The following CD244 variants were observed in gnomAD, a reference collection of about 807,000 sequenced individuals.
CD244 encodes CD244 molecule.
A neutral mutation model predicts 45.5 loss-of-function variants in CD244; 20 were observed. The observed-to-expected ratio is 0.44, with a 90% confidence interval of 0.31 to 0.64. The LOEUF (loss-of-function observed/expected upper bound fraction) is 0.64, where lower values mean the gene tolerates loss of function less well. Ranked by LOEUF, CD244 falls within the 30% of genes least tolerant of loss-of-function variation. The pLI is 0.08. For synonymous variants in CD244, 185 were observed against 160.5 expected, an observed-to-expected ratio of 1.15 and a Z score of -1.15; for missense variants, 407 against 426.9, an observed-to-expected ratio of 0.95 and a Z score of 0.41.
chr1:160,844,669 G>A (rs1669668540), intron 1 of CD244, among the ~76,000 whole-genome samples: 1 of 152,212 alleles, frequency 6.6e-6, no homozygotes, highest in Non-Finnish European at 1.5e-5. Context: ...ACACAGCTAA[G>A]GCCATTCTAA....
intron 6 of CD244, among the ~76,000 whole-genome samples, chr1:160,834,811 A>T (rs1669270738): frequency 6.6e-6 from 1 of 152,116 alleles, no homozygotes; most frequent in South Asian, 2.1e-4. Flanking sequence ...TTTCCTCAAC[A>T]CCTCAATGCC....
intron 1 of CD244, among the ~76,000 whole-genome samples, chr1:160,855,893 A>G (rs1457088702): frequency 6.6e-6 from 1 of 152,182 alleles, no homozygotes; most frequent in Non-Finnish European, 1.5e-5. Flanking sequence ...TCCAGCAGTG[A>G]GTCCCGCTCA....
intron 1 of CD244, among the ~76,000 whole-genome samples, chr1:160,858,315 C>A (rs543319608): frequency 6.6e-6 from 1 of 152,244 alleles, no homozygotes; most frequent in East Asian, 1.9e-4. Flanking sequence ...CGCAGTTAGA[C>A]ACCACTCCCT....
intron 7 of CD244, 114 bp from the exon 8 acceptor site, chr1:160,832,689 C>T (rs929215799): frequency 2.6e-6 from 4 of 1,549,236 alleles, no homozygotes; most frequent in Non-Finnish European, 3.5e-6. Flanking sequence ...CTGAGGCACT[C>T]TCAGCCAGAA....
intron 1 of CD244, among the ~76,000 whole-genome samples, chr1:160,861,008 T>C (rs921396408): frequency 2.6e-5 from 4 of 152,174 alleles, no homozygotes; most frequent in Non-Finnish European, 5.9e-5. Flanking sequence ...GCCCTGGGAA[T>C]GGGGGTGGAG....
intron 1 of CD244, chr1:160,847,955 T>G: frequency 4.9e-6 from 1 of 202,846 alleles, no homozygotes; most frequent in South Asian, 9.0e-5. Flanking sequence ...TTAAAATGTA[T>G]ATACCTGGTG....
chr1:160,852,797 C>T lies in CD244; in HGVS notation c.61+9820G>A, dbSNP rs191690020. On this transcript the variant is annotated intron_variant, in intron 1 of 8. Transcript: ENST00000368034. Reference sequence around the variant, plus strand: ...CAGCACTTTGGGAGGTCGAGGCAGGCGGATCACCTGAGGTCAGGAGTTTGA... The same window carrying T: ...CAGCACTTTGGGAGGTCGAGGCAGGTGGATCACCTGAGGTCAGGAGTTTGA... Among the ~76,000 whole-genome samples, 1,474 of 151,410 alleles carry T rather than the reference C, an allele frequency of 9.7e-3. 30 individuals carry two copies. The highest frequency in any genetic ancestry group is 0.052 in the East Asian group (266 of 5,080).
rs1301444933 is a variant in CD244 at position 160,831,176 on chromosome 1, C to T, written c.*171G>A. 3 of 599,446 alleles carry T rather than the reference C, an allele frequency of 5.0e-6. No individual in the cohort carries two copies. The African/African-American group carries it at 5.5e-5, about 11-fold the overall frequency. 37.1% of individuals were successfully genotyped at this position (599,446 alleles called of 1,614,324 possible). ...GAAGATATTATTTAACAGCCTTGCT[C>T]TTATCATGGTTGTTAGACATCATTT... is the stretch of plus-strand genomic sequence containing the variant. On this transcript the variant is annotated 3_prime_UTR_variant, in exon 9 of 9. Coordinates refer to ENST00000368034, the MANE Select transcript of CD244 (RefSeq NM_016382.4).
intron 1 of CD244, among the ~76,000 whole-genome samples, chr1:160,842,310 C>T (rs139715541): frequency 2.0e-5 from 3 of 152,082 alleles, no homozygotes; most frequent in African/African-American, 7.2e-5. Context: ...AGTGCAGTGG[C>T]GCAATCACAG....
chr1:160,843,824 C>G (rs1388529600), intron 1 of CD244, among the ~76,000 whole-genome samples: 1 of 152,214 alleles, frequency 6.6e-6, no homozygotes, highest in Non-Finnish European at 1.5e-5. Context: ...GACTGTTGTT[C>G]CCTGGAGGCA....
At chr1:160,837,213 C>G (rs1571090429) in intron 5 of CD244, among the ~76,000 whole-genome samples, 1 of 152,154 alleles carries the variant, frequency 6.6e-6, no homozygotes, top group East Asian at 1.9e-4. Flanking sequence ...AAGAAGTAAG[C>G]TAATAGGCCT....
chr1:160,836,379 T>A, intron 5 of CD244, 125 bp from the exon 6 acceptor site: 1 of 729,218 alleles, frequency 1.4e-6, no homozygotes, highest in South Asian at 1.5e-5. Context: ...GTGGCAGGAC[T>A]GGGGAGAGTC....
At chr1:160,831,485 C>T (rs900953850) in intron 8 of CD244, 58 bp from the exon 9 acceptor site, 1 of 1,203,204 alleles carries the variant, frequency 8.3e-7, no homozygotes, top group African/African-American at 1.5e-5. Context: ...TATCACAATC[C>T]TGTGAGGTAT....
chr1:160,832,827 A>G, intron 7 of CD244: 1 of 511,866 alleles, frequency 2.0e-6, no homozygotes, highest in East Asian at 5.1e-5. Flanking sequence ...GCTGTTCCAT[A>G]CCCACATACA....
At chr1:160,834,821 C>T (rs58571568) in intron 6 of CD244, among the ~76,000 whole-genome samples, 3,404 of 152,316 alleles carry the variant, frequency 0.022, 136 homozygotes, top group African/African-American at 0.078. Flanking sequence ...ACCTCAATGC[C>T]TCCCTTTGGC....
chr1:160,843,334 C>T lies in CD244; in HGVS notation c.62-1433G>A, dbSNP rs564047592. ...TGCATCTCTGTGTCTCTGTCTCCTA[C>T]GATCCTAGCACTATTTATAAGAACA... On this transcript the variant is annotated intron_variant, in intron 1 of 8. Coordinates refer to ENST00000368034, the MANE Select transcript of CD244 (RefSeq NM_016382.4). 9.8e-5 allele frequency among the ~76,000 whole-genome samples: 15 copies of T among 152,288 alleles called. 1 individual carries two copies. Among genetic ancestry groups the T allele is most frequent in the East Asian group, 5.8e-4 (3 of 5,188 alleles).
chr1:160,842,211 G>T (rs952904058), intron 1 of CD244, among the ~76,000 whole-genome samples: 2 of 152,084 alleles, frequency 1.3e-5, no homozygotes, highest in East Asian at 3.8e-4. Context: ...AGAATGATGA[G>T]CCTGAAACCT....
Position 160,839,065 on chromosome 1 carries a change from G to A in CD244, c.656-16C>T, listed in dbSNP as rs779560919. On this transcript the variant is annotated splice_polypyrimidine_tract_variant and intron_variant, in intron 3 of 8. Transcript: ENST00000368034. ...AATCTGAATTCTGAGGAATACAGAA[G>A]GCGTGAGAACTGAGCTGTCAGCTCG... 3.2e-6 allele frequency: 5 copies of A among 1,582,406 alleles called. No individual in the cohort carries two copies. In the Admixed American group the frequency reaches 8.4e-5, roughly 27 times the overall value.
chr1:160,839,262 C>T (rs1055200046), intron 3 of CD244: 1 of 484,708 alleles, frequency 2.1e-6, no homozygotes, highest in Non-Finnish European at 3.7e-6. Flanking sequence ...TCAGACAGGC[C>T]TGGCTCAAAT....
Sources: gnomAD v4.1 joint callset for allele counts (sites outside exome capture counted in the v4.1 genomes callset) on GRCh38, gnomAD v4.1.1 for gene constraint, MANE v1.5 for transcripts, NCBI Gene and HGNC (gene_info 2026-07-23, HGNC 2026-07-21) for gene names.